PREX1: variants seen among roughly 807,000 people sequenced by gnomAD.
The protein encoded by PREX1 is phosphatidylinositol 3,4,5-trisphosphate-dependent Rac exchanger 1 protein.
Under a neutral mutation model 198.3 loss-of-function variants are expected in PREX1, and 41 were observed. That is an observed-to-expected ratio of 0.21 (90% confidence interval 0.16 to 0.27). The LOEUF (loss-of-function observed/expected upper bound fraction) is 0.27. Among genes scored for constraint, PREX1 ranks in the 10% least tolerant of loss-of-function variants. The pLI is 1.00. For missense variants in PREX1, 1,620 were observed against 2,200.7 expected (o/e 0.74, Z 5.28); for synonymous variants, 843 against 887.2 (o/e 0.95, Z 0.89).
intron 14 of PREX1, among the ~76,000 whole-genome samples, chr20:48,669,122 C>T (rs1181584681): frequency 6.6e-6 from 1 of 152,048 alleles, no homozygotes; most frequent in East Asian, 1.9e-4. Flanking sequence ...CTGCAACCTC[C>T]CCCGCCATGC....
At chr20:48,825,226 T>C (rs992953992) in intron 1 of PREX1, among the ~76,000 whole-genome samples, 2 of 152,080 alleles carry the variant, frequency 1.3e-5, no homozygotes, top group African/African-American at 4.8e-5. Flanking sequence ...ACAAACAACG[T>C]ATGGCTGGTC....
intron 1 of PREX1, among the ~76,000 whole-genome samples, chr20:48,775,841 AT>A (rs1342590152): frequency 6.6e-6 from 1 of 152,182 alleles, no homozygotes; most frequent in African/African-American, 2.4e-5. Flanking sequence ...CTGTAAGTCC[AT>A]TAAACCTCTT....
intron 1 of PREX1, among the ~76,000 whole-genome samples, chr20:48,766,697 C>T (rs181674377): frequency 2.7e-4 from 41 of 152,328 alleles, no homozygotes; most frequent in Middle Eastern, 3.4e-3. Flanking sequence ...ATGACTATAA[C>T]TTAACCTTGA....
rs1259904804 is a variant in PREX1 at position 48,684,296 on chromosome 20, G to A, written c.1335-2961C>T. On this transcript the variant is annotated intron_variant, in intron 10 of 39. Transcript: ENST00000371941. The surrounding 1 kb of genome is among the most constrained non-coding windows in gnomAD (Gnocchi z 4.2). The stretch of plus-strand genomic sequence containing the variant: ...CCCAACACAAGAATCCCTTGTTCTT[G>A]CCTGATTCCTCCATGGGCCGTGGGC... Among the ~76,000 whole-genome samples the A allele has an allele frequency of 2.6e-5, 4 of 152,144 alleles. No homozygotes were observed. The highest frequency in any genetic ancestry group is 2.0e-4 in the Admixed American group (3 of 15,278).
intron 8 of PREX1, chr20:48,692,461 G>A: frequency 2.1e-6 from 1 of 465,584 alleles, no homozygotes; most frequent in Non-Finnish European, 3.9e-6. Flanking sequence ...GGCATTGCAA[G>A]GAGGAAGGAT....
chr20:48,721,761 G>A lies in PREX1; in HGVS notation c.621+4529C>T, dbSNP rs144364597. On this transcript the variant is annotated intron_variant, in intron 5 of 39. Coordinates refer to ENST00000371941, the MANE Select transcript of PREX1 (RefSeq NM_020820.4). ...GACAAGAACAGAGGCAGGGAGGCCCGCTGGGGCCGTGGCAGTGTCCCAGCA... is the reference window on the plus strand; with the variant it reads ...GACAAGAACAGAGGCAGGGAGGCCCACTGGGGCCGTGGCAGTGTCCCAGCA... Among the ~76,000 whole-genome samples the A allele has an allele frequency of 2.3e-3, 346 of 152,332 alleles. 4 individuals carry two copies. The East Asian group carries it at 0.044, about 19-fold the overall frequency.
the PREX1 span, among the ~76,000 whole-genome samples, chr20:48,847,371 A>AAAAAAAAACAAAAAAAC: frequency 6.7e-6 from 1 of 149,394 alleles, no homozygotes; most frequent in African/African-American, 2.5e-5. Flanking sequence ...TTATAAAAAA[A>AAAAAAAAACAAAAAAAC]AAAAAAAAAA....
intron 1 of PREX1, among the ~76,000 whole-genome samples, chr20:48,805,738 G>C (rs1400006065): frequency 6.6e-6 from 1 of 152,168 alleles, no homozygotes; most frequent in Admixed American, 6.5e-5. Flanking sequence ...AGAGACACCA[G>C]GGATGGGGCA....
chr20:48,839,630 T>C, the PREX1 span, among the ~76,000 whole-genome samples: 1 of 152,222 alleles, frequency 6.6e-6, no homozygotes, highest in African/African-American at 2.4e-5. Context: ...TCCATGCTTG[T>C]GCTACCTGGT....
Position 48,690,941 on chromosome 20 carries a change from GCTCA to G in PREX1, c.1186+2_1186+5del. On this transcript the variant is annotated splice_donor_variant and splice_donor_5th_base_variant and intron_variant, in intron 9 of 39. Coordinates refer to ENST00000371941, the MANE Select transcript of PREX1 (RefSeq NM_020820.4). LOFTEE classifies it high-confidence loss of function. ...CCCAGGCGAGCACCCCAAAGCTGCT[GCTCA>G]CTCTCGCGCTGCTCCCGCTCGCGGA... 6.2e-7 allele frequency: 1 copy of G among 1,613,672 alleles called. No individual in the cohort carries two copies. The highest frequency in any genetic ancestry group is 8.5e-7 in the Non-Finnish European group (1 of 1,180,020).
At chr20:48,767,441 G>C (rs1320615773) in intron 1 of PREX1, among the ~76,000 whole-genome samples, 1 of 152,172 alleles carries the variant, frequency 6.6e-6, no homozygotes, top group African/African-American at 2.4e-5. Flanking sequence ...TGGAGGTTCT[G>C]GTGTCAGACA....
chr20:48,629,683 C>T, intron 36 of PREX1, 62 bp from the exon 37 acceptor site: 1 of 1,542,390 alleles, frequency 6.5e-7, no homozygotes, highest in Non-Finnish European at 8.9e-7. Flanking sequence ...CCTCAGCCCC[C>T]ATCTGGCCCT....
Position 48,657,123 on chromosome 20 carries a change from C to T in PREX1, c.2040G>A (p.Pro680=), listed in dbSNP as rs1236197347. Residue 680 remains proline (P), a synonymous_variant, in exon 18 of 40, where the codon CCG becomes CCA. Coordinates refer to ENST00000371941, the MANE Select transcript of PREX1 (RefSeq NM_020820.4). ...TGAGGATGGACTCCACCTCTGAAAA[C>T]GGCCGCAGGAACACCAGGTCCTCAT... ...SINEDLVFLR[P]FSEVESILNQ... 16 of 1,612,398 alleles carry T rather than the reference C, an allele frequency of 9.9e-6. No homozygotes were observed. The highest frequency in any genetic ancestry group is 5.0e-5 in the Admixed American group (3 of 59,816).
the PREX1 span, among the ~76,000 whole-genome samples, chr20:48,867,989 G>T: frequency 2.0e-5 from 3 of 151,866 alleles, no homozygotes; most frequent in East Asian, 3.9e-4. Flanking sequence ...GATTGCAGGC[G>T]TGAGCCACTG....
At chr20:48,676,313 G>A (rs1400371098) in intron 13 of PREX1, 45 bp from the exon 14 acceptor site, 3 of 1,578,408 alleles carry the variant, frequency 1.9e-6, no homozygotes, top group Non-Finnish European at 2.6e-6. Context: ...GGGCGGGGAG[G>A]ACAGAGGTGG....
chr20:48,642,743 C>G (rs546091092), intron 27 of PREX1: 39 of 399,322 alleles, frequency 9.8e-5, no homozygotes, highest in African/African-American at 7.5e-4. Flanking sequence ...TGTTTCCATT[C>G]TGCAAATGAG....
chr20:48,687,935 G>A (rs2099614305), intron 10 of PREX1, among the ~76,000 whole-genome samples: 1 of 152,024 alleles, frequency 6.6e-6, no homozygotes, highest in African/African-American at 2.4e-5. Context: ...AGCTTCCCTC[G>A]CCCCTCACAT....
In PREX1 at chr20:48,736,396, C is replaced by T. The variant is rs182407210; in HGVS notation, c.415-1746G>A. 2.2e-4 allele frequency among the ~76,000 whole-genome samples: 34 copies of T among 152,322 alleles called. No individual in the cohort carries two copies. In the East Asian group the frequency reaches 6.2e-3, roughly 28 times the overall value. ...TGCAAACTACATGCTCCAAACACCA[C>T]CACCAATGTCAGCATGCACATGGAC... On this transcript the variant is annotated intron_variant, in intron 3 of 39. Coordinates refer to ENST00000371941, the MANE Select transcript of PREX1 (RefSeq NM_020820.4).
At chr20:48,792,723 T>C (rs2090343701) in intron 1 of PREX1, among the ~76,000 whole-genome samples, 1 of 149,818 alleles carries the variant, frequency 6.7e-6, no homozygotes, top group African/African-American at 2.5e-5. Context: ...AAAATGTATA[T>C]CCATATAATG....
Sources: gnomAD v4.1 joint callset for allele counts (sites outside exome capture counted in the v4.1 genomes callset) on GRCh38, gnomAD v4.1.1 for gene constraint, Gnocchi (gnomAD v3.1) non-coding constraint, MANE v1.5 for transcripts, NCBI Gene and HGNC (gene_info 2026-07-23, HGNC 2026-07-21) for gene names.